Variants in YIPF6 observed in about 807,000 individuals in gnomAD.
YIPF6 encodes protein YIPF6.
In YIPF6, 3 loss-of-function variants were observed where a neutral mutation model predicts 16.8. The observed-to-expected ratio is 0.18, with a 90% CI of 0.08 to 0.46. The LOEUF (loss-of-function observed/expected upper bound fraction) is 0.46. YIPF6 is among the 20% of genes least tolerant of loss of function. The probability of loss-of-function intolerance (pLI) is 0.98; values close to 1 mark genes in which losing one functional copy is unlikely to be tolerated. For synonymous variants in YIPF6, 67 were observed against 61.9 expected, an observed-to-expected ratio of 1.08 and a Z score of -0.38; for missense variants, 145 against 184.9, an observed-to-expected ratio of 0.78 and a Z score of 1.25.
chrX:68,526,685 C>T (rs1391752516), intron 6 of YIPF6, among the ~76,000 whole-genome samples: 2 of 111,309 alleles, frequency 1.8e-5, no homozygotes, highest in South Asian at 3.7e-4. Flanking sequence ...TAGCATGAAG[C>T]GGTGTTGAAT....
At chrX:68,522,181 G>A (rs2079128954) in intron 5 of YIPF6, among the ~76,000 whole-genome samples, 1 of 111,319 alleles carries the variant, frequency 9.0e-6, no homozygotes, top group Admixed American at 9.7e-5. Context: ...CTACCTTAGA[G>A]GTTCAGAGAA....
rs2079088169 is a variant in YIPF6 at position 68,513,256 on chromosome X, T to C, written c.187-71T>C. The stretch of plus-strand genomic sequence containing the variant: ...TCACAGGAGATTGAAATGAAAGAAA[T>C]TTTAGCAAATTAAGTAAGGCTGCTG... On this transcript the variant is annotated intron_variant, in intron 2 of 6. Coordinates refer to ENST00000462683, the MANE Select transcript of YIPF6 (RefSeq NM_173834.4). The C allele has an allele frequency of 3.3e-5, 29 of 884,256 alleles. No individual in the cohort carries two copies. The South Asian group carries it at 6.8e-4, about 21-fold the overall frequency. 72.9% of individuals were successfully genotyped at this position (884,256 alleles called of 1,213,427 possible). A position where few individuals can be genotyped will look rare whatever the true frequency, so the allele number is the denominator to read the frequency against.
At chrX:68,514,277 C>T (rs1181611633) in intron 3 of YIPF6, 4 of 104,870 alleles carry the variant, frequency 3.8e-5, no homozygotes, top group African/African-American at 1.0e-4. Flanking sequence ...AAAAAATGCT[C>T]TAGTGGTTAC....
intron 4 of YIPF6, 35 bp downstream of exon 4, chrX:68,518,847 G>A (rs1296346502): frequency 8.8e-7 from 1 of 1,142,248 alleles, no homozygotes; most frequent in Non-Finnish European, 1.2e-6. Context: ...TGTCATTTGA[G>A]CTAGACTAGA....
rs2079181274 is a variant in YIPF6 at position 68,533,890 on chromosome X, A to G, written c.*1891A>G. The stretch of plus-strand genomic sequence containing the variant: ...TGTTTCGTAATCTGTCTCAATGACT[A>G]TAATGTAAAATTAAAGAAGTAACCA... On this transcript the variant is annotated 3_prime_UTR_variant, in exon 7 of 7. Transcript: ENST00000462683. 8.9e-6 allele frequency: 1 copy of G among 112,424 alleles called. No homozygotes were observed. Among genetic ancestry groups the G allele is most frequent in the African/African-American group, 3.2e-5 (1 of 30,999 alleles). 9.3% of individuals were successfully genotyped at this position (112,424 alleles called of 1,213,427 possible).
intron 3 of YIPF6, among the ~76,000 whole-genome samples, chrX:68,518,005 T>TGGCTCAC (rs1046892465): frequency 1.9e-5 from 2 of 107,074 alleles, no homozygotes; most frequent in South Asian, 8.2e-4. Flanking sequence ...CCAGGTGCGG[T>TGGCTCAC]GGCTCACGCC....
intron 5 of YIPF6, among the ~76,000 whole-genome samples, chrX:68,522,303 A>AT (rs779420657): frequency 0.063 from 6,456 of 101,762 alleles, 439 homozygotes; most frequent in African/African-American, 0.18. Flanking sequence ...CATGTACTTA[A>AT]TTTTTTTTTT....
At chrX:68,505,612 T>C (rs1569323275) in intron 1 of YIPF6, among the ~76,000 whole-genome samples, 1 of 111,216 alleles carries the variant, frequency 9.0e-6, no homozygotes, top group Non-Finnish European at 1.9e-5. Flanking sequence ...AGAAGGAGAG[T>C]AGTTTGAGAG....
At chrX:68,529,065 A>C (rs1408991172) in intron 6 of YIPF6, among the ~76,000 whole-genome samples, 1 of 111,252 alleles carries the variant, frequency 9.0e-6, no homozygotes, top group African/African-American at 3.3e-5. Context: ...AATATCCTGA[A>C]GAGTGTTTTC....
chrX:68,499,154 G>A, intron 1 of YIPF6, 31 bp downstream of exon 1: 5 of 1,166,207 alleles, frequency 4.3e-6, no homozygotes, highest in Non-Finnish European at 5.7e-6. Flanking sequence ...AAAAGGGACC[G>A]AGGGTGAGGC....
chrX:68,527,110 T>C lies in YIPF6; in HGVS notation c.592+4193T>C, dbSNP rs146145076. 5.6e-3 allele frequency among the ~76,000 whole-genome samples: 630 copies of C among 111,929 alleles called. 3 individuals are homozygous for C. The highest frequency in any genetic ancestry group is 0.02 in the African/African-American group (606 of 30,846). On this transcript the variant is annotated intron_variant, in intron 6 of 6. Coordinates refer to ENST00000462683, the MANE Select transcript of YIPF6 (RefSeq NM_173834.4). ...TGTGAATCTGGCTGGTCATGGGCTTTTTTTGATTGGTAGGCTATTAATTAC... is the reference window on the plus strand; with the variant it reads ...TGTGAATCTGGCTGGTCATGGGCTTCTTTTGATTGGTAGGCTATTAATTAC...
At chrX:68,511,806 C>T in intron 1 of YIPF6, 43 bp from the exon 2 acceptor site, 1 of 1,165,599 alleles carries the variant, frequency 8.6e-7, no homozygotes, top group African/African-American at 1.8e-5. Context: ...AGGAATGCTA[C>T]AGTTTATTAC....
chrX:68,499,679 C>T (rs1319968335), intron 1 of YIPF6, among the ~76,000 whole-genome samples: 1 of 111,904 alleles, frequency 8.9e-6, no homozygotes, highest in Admixed American at 9.5e-5. Context: ...ACTCTGTCAC[C>T]CAGGCTGGAG....
rs1477176442 is a variant in YIPF6, at chrX:68,535,347, G to C, written c.*3348G>C. ...TGTAACTACTAACAGTATTTGGACT[G>C]CCTGTTCATTCCTGGAGACAAAAAT... is the stretch of plus-strand genomic sequence containing the variant. On this transcript the variant is annotated 3_prime_UTR_variant, in exon 7 of 7. Coordinates refer to ENST00000462683, the MANE Select transcript of YIPF6 (RefSeq NM_173834.4). The C allele has an allele frequency of 8.9e-6, 1 of 112,227 alleles. No individual in the cohort carries two copies. The highest frequency in any genetic ancestry group is 3.2e-5 in the African/African-American group (1 of 30,945). 9.2% of individuals were successfully genotyped at this position (112,227 alleles called of 1,213,427 possible).
chrX:68,522,168 C>CCACT (rs1328282599), intron 5 of YIPF6, among the ~76,000 whole-genome samples: 2 of 110,841 alleles, frequency 1.8e-5, no homozygotes, highest in Non-Finnish European at 3.8e-5. Context: ...GGATTAAGAA[C>CCACT]CACTACCTTA....
intron 1 of YIPF6, 101 bp downstream of exon 1, chrX:68,499,224 C>T (rs1227660805): frequency 3.9e-6 from 4 of 1,029,844 alleles, no homozygotes; most frequent in Non-Finnish European, 3.9e-6. Context: ...GAGCTCCTTC[C>T]GCCCGGCAGG....
intron 6 of YIPF6, among the ~76,000 whole-genome samples, chrX:68,530,958 G>T (rs2079168679): frequency 9.0e-6 from 1 of 111,105 alleles, no homozygotes; most frequent in South Asian, 3.8e-4. Context: ...AAGAGATGGG[G>T]TTTCACTCTG....
Position 68,534,486 on chromosome X carries a change from A to T in YIPF6, c.*2487A>T, listed in dbSNP as rs973177808. 1.8e-5 allele frequency: 2 copies of T among 111,452 alleles called. No homozygotes were observed. Among genetic ancestry groups the T allele is most frequent in the Admixed American group, 1.9e-4 (2 of 10,409 alleles). 9.2% of individuals were successfully genotyped at this position (111,452 alleles called of 1,213,427 possible). A position where few individuals can be genotyped will look rare whatever the true frequency, so the allele number is the denominator to read the frequency against. On this transcript the variant is annotated 3_prime_UTR_variant, in exon 7 of 7. Coordinates refer to ENST00000462683, the MANE Select transcript of YIPF6 (RefSeq NM_173834.4). ...TCTCTTTAGAAATAACTCAGTTTTT[A>T]TCTTTTTTCACATTGAAAATCAGTT...
At chrX:68,518,920 T>C in intron 4 of YIPF6, 108 bp downstream of exon 4, 6 of 783,782 alleles carry the variant, frequency 7.7e-6, no homozygotes, top group Non-Finnish European at 1.1e-5. Flanking sequence ...AGGACTTATA[T>C]GACATGTTGT....
Sources: gnomAD v4.1 joint callset for allele counts (sites outside exome capture counted in the v4.1 genomes callset) on GRCh38, gnomAD v4.1.1 for gene constraint, MANE v1.5 for transcripts, NCBI Gene and HGNC (gene_info 2026-07-23, HGNC 2026-07-21) for gene names.